The following PTPRG variants were observed in gnomAD, a reference collection of about 807,000 sequenced individuals.
The protein encoded by PTPRG is protein tyrosine phosphatase receptor type G.
A neutral mutation model predicts 165.3 loss-of-function variants in PTPRG; 102 were observed. The observed-to-expected ratio is 0.62, with a 90% CI of 0.53 to 0.73. The LOEUF (loss-of-function observed/expected upper bound fraction) is 0.73. Ranked by LOEUF, PTPRG falls within the 30% of genes least tolerant of loss-of-function variation. The pLI, the probability that PTPRG is intolerant of heterozygous loss-of-function variation, is 0.00. For missense variants in PTPRG, 1,866 were observed against 1,861.4 expected, an observed-to-expected ratio of 1.00 and a Z score of -0.05; for synonymous variants, 675 against 669.5, an observed-to-expected ratio of 1.01 and a Z score of -0.13.
intron 2 of PTPRG, among the ~76,000 whole-genome samples, chr3:61,928,861 G>T (rs1167854954): frequency 6.6e-6 from 1 of 152,136 alleles, no homozygotes; most frequent in Non-Finnish European, 1.5e-5. Context: ...CAGTTGATTG[G>T]AGTCATACAG....
intron 7 of PTPRG, among the ~76,000 whole-genome samples, chr3:62,165,342 C>G (rs1346610029): frequency 6.6e-6 from 1 of 152,208 alleles, no homozygotes; most frequent in Non-Finnish European, 1.5e-5. Context: ...GAAACCTGCT[C>G]TCACATTTGA....
At chr3:61,627,542 A>G (rs1701647149) in intron 1 of PTPRG, among the ~76,000 whole-genome samples, 1 of 152,152 alleles carries the variant, frequency 6.6e-6, no homozygotes, top group Non-Finnish European at 1.5e-5. Context: ...TTTTTACCTC[A>G]AAGTAATCTA....
intron 7 of PTPRG, among the ~76,000 whole-genome samples, chr3:62,166,224 T>G (rs1366854452): frequency 8.0e-6 from 1 of 125,088 alleles, no homozygotes; most frequent in Non-Finnish European, 1.7e-5. Flanking sequence ...TTTTTTTTTT[T>G]TTTTTTTTTG....
chr3:61,720,549 A>G (rs1313590559), intron 1 of PTPRG, among the ~76,000 whole-genome samples: 2 of 152,170 alleles, frequency 1.3e-5, no homozygotes, highest in African/African-American at 4.8e-5. Flanking sequence ...CCCAGATGAA[A>G]AAACAGTATC....
chr3:61,995,538 TG>T (rs1483329116), intron 3 of PTPRG, among the ~76,000 whole-genome samples: 3 of 152,012 alleles, frequency 2.0e-5, no homozygotes, highest in Non-Finnish European at 4.4e-5. Context: ...ATCAAGAGAT[TG>T]GTTAGGAAGT....
intron 2 of PTPRG, among the ~76,000 whole-genome samples, chr3:61,907,075 G>T (rs112446404): frequency 2.0e-5 from 3 of 151,944 alleles, no homozygotes; most frequent in Admixed American, 6.5e-5. Context: ...GCAAGAAGTT[G>T]TTATTTGGGG....
chr3:62,075,707 TC>T (rs1701358116), intron 4 of PTPRG, among the ~76,000 whole-genome samples: 1 of 152,188 alleles, frequency 6.6e-6, no homozygotes, highest in East Asian at 1.9e-4. Context: ...TCATCAGAAC[TC>T]TGTTTACCTT....
chr3:62,163,095 C>A (rs904714913), intron 7 of PTPRG, among the ~76,000 whole-genome samples: 1 of 152,100 alleles, frequency 6.6e-6, no homozygotes, highest in Non-Finnish European at 1.5e-5. Context: ...ACAACCAGAT[C>A]TCGTGAGAAT....
intron 2 of PTPRG, among the ~76,000 whole-genome samples, chr3:61,855,365 A>G (rs2037071304): frequency 6.6e-6 from 1 of 152,156 alleles, no homozygotes; most frequent in Non-Finnish European, 1.5e-5. Flanking sequence ...TTTTGTAATT[A>G]ATCTCCTCTA....
chr3:61,633,026 C>A (rs1475290914), intron 1 of PTPRG, among the ~76,000 whole-genome samples: 1 of 152,172 alleles, frequency 6.6e-6, no homozygotes, highest in Non-Finnish European at 1.5e-5. Context: ...GTCATCCCCA[C>A]CATCCTTCTT....
intron 1 of PTPRG, among the ~76,000 whole-genome samples, chr3:61,581,292 T>G (rs1700287193): frequency 6.6e-6 from 1 of 152,176 alleles, no homozygotes; most frequent in Non-Finnish European, 1.5e-5. Context: ...ACCTGTTAAT[T>G]AGTTCCAGAC....
intron 2 of PTPRG, among the ~76,000 whole-genome samples, chr3:61,839,919 A>G (rs2036575963): frequency 6.6e-6 from 1 of 152,168 alleles, no homozygotes; most frequent in Non-Finnish European, 1.5e-5. Flanking sequence ...ATCCTAATGC[A>G]TCTTAGAGTT....
chr3:62,112,684 T>G (rs1171203668), intron 5 of PTPRG, among the ~76,000 whole-genome samples: 1 of 152,196 alleles, frequency 6.6e-6, no homozygotes, highest in Non-Finnish European at 1.5e-5. Flanking sequence ...ACTGCAGTCA[T>G]TTTTGCTAAG....
intron 2 of PTPRG, among the ~76,000 whole-genome samples, chr3:61,930,539 T>TTTG (rs2039332774): frequency 1.3e-5 from 2 of 152,192 alleles, no homozygotes; most frequent in Non-Finnish European, 2.9e-5. Flanking sequence ...AACAACTGTT[T>TTTG]TCTTCATCTG....
chr3:62,014,892 G>C (rs561763320), intron 4 of PTPRG, among the ~76,000 whole-genome samples: 1 of 152,178 alleles, frequency 6.6e-6, no homozygotes, highest in East Asian at 1.9e-4. Flanking sequence ...CTGCCTAAAA[G>C]TTGACTTAGG....
chr3:61,870,476 CTTTTTTTTTTTTT>C (rs869118813), intron 2 of PTPRG, among the ~76,000 whole-genome samples: 1 of 17,966 alleles, frequency 5.6e-5, no homozygotes, highest in African/African-American at 2.9e-4. Context: ...CCACACCTAG[CTTTTTTTTTTTTT>C]TTTTTTTTTT....
intron 4 of PTPRG, among the ~76,000 whole-genome samples, chr3:62,055,070 G>T (rs1004533056): frequency 6.6e-6 from 1 of 152,152 alleles, no homozygotes; most frequent in East Asian, 1.9e-4. Flanking sequence ...AAGTTTTCCT[G>T]CTTCTGGTTG....
intron 2 of PTPRG, among the ~76,000 whole-genome samples, chr3:61,856,604 C>CA (rs2037113159): frequency 6.6e-6 from 1 of 152,148 alleles, no homozygotes; most frequent in Admixed American, 6.5e-5. Flanking sequence ...ATTTTCTGCA[C>CA]TGTTTATAAA....
At chr3:62,052,884 T>G (rs1258748320) in intron 4 of PTPRG, among the ~76,000 whole-genome samples, 1 of 152,214 alleles carries the variant, frequency 6.6e-6, no homozygotes, top group Non-Finnish European at 1.5e-5. Flanking sequence ...TTTATTTACA[T>G]GTTGATAATT....
Sources: allele counts gnomAD v4.1 joint callset (sites outside exome capture counted in the v4.1 genomes callset), GRCh38; gene constraint gnomAD v4.1.1; transcripts MANE v1.5; gene names NCBI Gene and HGNC (gene_info 2026-07-23, HGNC 2026-07-21).